NXPH1: variants seen among roughly 807,000 people sequenced by gnomAD.
NXPH1 encodes the protein neurexophilin-1.
NXPH1 carries 5 observed loss-of-function variants against 23.7 expected under a neutral mutation model. The ratio of observed to expected loss-of-function variants is 0.21; its 90% CI spans 0.11 to 0.44. The LOEUF is 0.44. NXPH1 is among the 20% of genes least tolerant of loss of function. The probability of loss-of-function intolerance (pLI) is 0.99; values close to 1 mark genes in which losing one functional copy is unlikely to be tolerated. For synonymous variants in NXPH1, 144 were observed against 122.2 expected (o/e 1.18, Z -1.18); for missense variants, 324 against 321.6 (o/e 1.01, Z -0.06).
intron 2 of NXPH1, among the ~76,000 whole-genome samples, chr7:8,734,596 A>C (rs1447347537): frequency 6.6e-6 from 1 of 151,902 alleles, no homozygotes; most frequent in East Asian, 1.9e-4. Flanking sequence ...TTTGCTGAGG[A>C]ATGTTTTACT....
intron 2 of NXPH1, among the ~76,000 whole-genome samples, chr7:8,441,077 C>G (rs959793657): frequency 2.6e-5 from 4 of 152,156 alleles, no homozygotes; most frequent in African/African-American, 9.7e-5. Flanking sequence ...TGATTCGATT[C>G]AGGAAAGCTC....
At chr7:8,583,795 T>C (rs1220201632) in intron 2 of NXPH1, among the ~76,000 whole-genome samples, 5 of 152,158 alleles carry the variant, frequency 3.3e-5, no homozygotes, top group African/African-American at 1.2e-4. Flanking sequence ...CCATTCCCTC[T>C]TTATCTTTTG....
chr7:8,536,776 G>A (rs1818034338), intron 2 of NXPH1, among the ~76,000 whole-genome samples: 1 of 151,926 alleles, frequency 6.6e-6, no homozygotes, highest in Non-Finnish European at 1.5e-5. Flanking sequence ...TGGAAATGGA[G>A]GAGAGAAGCA....
intron 2 of NXPH1, among the ~76,000 whole-genome samples, chr7:8,488,253 A>T (rs1235430059): frequency 6.6e-6 from 1 of 151,994 alleles, no homozygotes; most frequent in Non-Finnish European, 1.5e-5. Flanking sequence ...TACATATTAC[A>T]TCTTACATAC....
chr7:8,459,180 T>G (rs1816649460), intron 2 of NXPH1, among the ~76,000 whole-genome samples: 2 of 152,176 alleles, frequency 1.3e-5, no homozygotes, highest in African/African-American at 4.8e-5. Flanking sequence ...TCTAAGAATT[T>G]TAGTATTTTG....
At chr7:8,619,176 C>G (rs941857328) in intron 2 of NXPH1, among the ~76,000 whole-genome samples, 1 of 152,116 alleles carries the variant, frequency 6.6e-6, no homozygotes, top group Non-Finnish European at 1.5e-5. Flanking sequence ...GTGTTCCTGG[C>G]ATAGTTTTGA....
At chr7:8,706,484 T>C (rs769576177) in intron 2 of NXPH1, among the ~76,000 whole-genome samples, 4 of 152,182 alleles carry the variant, frequency 2.6e-5, no homozygotes, top group African/African-American at 4.8e-5. Flanking sequence ...GGTACTTGAG[T>C]GATCCGTTTG....
intron 2 of NXPH1, among the ~76,000 whole-genome samples, chr7:8,649,156 C>CA (rs1820447707): frequency 6.6e-6 from 1 of 152,018 alleles, no homozygotes; most frequent in Non-Finnish European, 1.5e-5. Flanking sequence ...GCTGAGTTTA[C>CA]AAAAAGATGA....
chr7:8,549,385 A>G (rs999094093), intron 2 of NXPH1, among the ~76,000 whole-genome samples: 4 of 151,590 alleles, frequency 2.6e-5, no homozygotes, highest in Non-Finnish European at 5.9e-5. Flanking sequence ...CACATGCACC[A>G]CTACTTGTGA....
At chr7:8,691,916 G>A (rs1028619498) in intron 2 of NXPH1, among the ~76,000 whole-genome samples, 27 of 152,124 alleles carry the variant, frequency 1.8e-4, no homozygotes, top group African/African-American at 6.5e-4. Context: ...TTCTAGGTTA[G>A]GGAAAGTCTT....
chr7:8,678,572 CA>C (rs2115174614), intron 2 of NXPH1, among the ~76,000 whole-genome samples: 1 of 152,236 alleles, frequency 6.6e-6, no homozygotes, highest in Admixed American at 6.5e-5. Flanking sequence ...TGCCAGTGTT[CA>C]GGGGCACCCA....
intron 2 of NXPH1, among the ~76,000 whole-genome samples, chr7:8,449,524 T>C (rs985894562): frequency 2.0e-5 from 3 of 152,228 alleles, no homozygotes; most frequent in African/African-American, 7.2e-5. Context: ...GTCATATTAA[T>C]ATCTTTACTG....
At chr7:8,491,891 C>A (rs553752479) in intron 2 of NXPH1, among the ~76,000 whole-genome samples, 3 of 152,006 alleles carry the variant, frequency 2.0e-5, no homozygotes, top group Non-Finnish European at 1.5e-5. Flanking sequence ...TTCTTTTCGT[C>A]GCCTTTTAGT....
At chr7:8,557,569 G>A (rs1177993805) in intron 2 of NXPH1, among the ~76,000 whole-genome samples, 1 of 151,630 alleles carries the variant, frequency 6.6e-6, no homozygotes, top group Non-Finnish European at 1.5e-5. Flanking sequence ...GCCTTTAAGG[G>A]TTTTGATGAC....
chr7:8,609,918 G>A lies in NXPH1; in HGVS notation c.55-141090G>A, dbSNP rs1381606832. ...TGAGGATGATTATTTTTCCCATTCAGATTTTCAAATCCCTTGGCGAAGAAG... is the reference window on the plus strand; with the variant it reads ...TGAGGATGATTATTTTTCCCATTCAAATTTTCAAATCCCTTGGCGAAGAAG... On this transcript the variant is annotated intron_variant, in intron 2 of 2. Coordinates refer to ENST00000405863, the MANE Select transcript of NXPH1 (RefSeq NM_152745.3). Among the ~76,000 whole-genome samples, 3 of 152,056 alleles carry A rather than the reference G, an allele frequency of 2.0e-5. No homozygotes were observed. In the South Asian group the frequency reaches 6.2e-4, roughly 31 times the overall value.
chr7:8,456,761 GAC>G (rs1816602827), intron 2 of NXPH1, among the ~76,000 whole-genome samples: 1 of 152,010 alleles, frequency 6.6e-6, no homozygotes, highest in Non-Finnish European at 1.5e-5. Flanking sequence ...ACACATTTTT[GAC>G]TTTATGAGCC....
intron 2 of NXPH1, among the ~76,000 whole-genome samples, chr7:8,708,365 T>A (rs1045845357): frequency 1.3e-5 from 2 of 152,206 alleles, no homozygotes; most frequent in African/African-American, 2.4e-5. Flanking sequence ...TTTTTTTAAA[T>A]TTTTTTGGTT....
intron 2 of NXPH1, among the ~76,000 whole-genome samples, chr7:8,523,626 G>C (rs1817812432): frequency 6.6e-6 from 1 of 152,122 alleles, no homozygotes; most frequent in African/African-American, 2.4e-5. Context: ...TTTTGTTCAG[G>C]ATTTCTTAAA....
chr7:8,752,206 T>G lies in NXPH1; in HGVS notation c.*437T>G. 1 of 164,906 alleles carries G rather than the reference T, an allele frequency of 6.1e-6. No individual in the cohort carries two copies. Among genetic ancestry groups the G allele is most frequent in the Non-Finnish European group, 1.3e-5 (1 of 74,324 alleles). The allele number at this position is 164,906 out of a possible 1,614,324, so 10.2% of individuals were successfully genotyped here. ...CTCTTTTAAAGTCTTGAGTACATGC[T>G]AATCAATAATCTCCACTCATGCATT... On this transcript the variant is annotated 3_prime_UTR_variant, in exon 3 of 3. Coordinates refer to ENST00000405863, the MANE Select transcript of NXPH1 (RefSeq NM_152745.3).
Sources: allele counts gnomAD v4.1 joint callset (sites outside exome capture counted in the v4.1 genomes callset), GRCh38; gene constraint gnomAD v4.1.1; transcripts MANE v1.5; gene names NCBI Gene and HGNC (gene_info 2026-07-23, HGNC 2026-07-21).